The following TMCO5A variants were observed in gnomAD, a reference collection of about 807,000 sequenced individuals.
TMCO5A encodes transmembrane and coiled-coil domain-containing protein 5A.
In TMCO5A, 34 loss-of-function variants were observed where a neutral mutation model predicts 42.3. The observed-to-expected ratio is 0.80, with a 90% CI of 0.61 to 1.07. The LOEUF is 1.07. Ranked by LOEUF, TMCO5A falls within the 50% of genes least tolerant of loss-of-function variation. TMCO5A has a pLI of 0.00. For synonymous variants in TMCO5A, 131 were observed against 115.6 expected, an observed-to-expected ratio of 1.13 and a Z score of -0.86; for missense variants, 357 against 327.9, an observed-to-expected ratio of 1.09 and a Z score of -0.69.
chr15:37,969,342 G>C (rs1250350496), downstream of TMCO5A, among the ~76,000 whole-genome samples: 1 of 152,156 alleles, frequency 6.6e-6, no homozygotes, highest in Non-Finnish European at 1.5e-5. Flanking sequence ...GTTGTCTGGA[G>C]TTGGTAAATT....
At chr15:37,946,393 G>C (rs1385107572) in intron 10 of TMCO5A, among the ~76,000 whole-genome samples, 1 of 152,064 alleles carries the variant, frequency 6.6e-6, no homozygotes, top group Non-Finnish European at 1.5e-5. Context: ...TTCTAATTCT[G>C]TGAAAAATGT....
the TMCO5A span, among the ~76,000 whole-genome samples, chr15:37,981,145 G>T: frequency 6.9e-6 from 1 of 144,512 alleles, no homozygotes; most frequent in African/African-American, 2.6e-5. Context: ...GAATATAGCT[G>T]CTGAAGGTGA....
chr15:37,962,833 T>C (rs1481076919), intron 11 of TMCO5A, among the ~76,000 whole-genome samples: 1 of 152,156 alleles, frequency 6.6e-6, no homozygotes, highest in Non-Finnish European at 1.5e-5. Context: ...TGTGTAAAGG[T>C]GTTCATAATA....
intron 11 of TMCO5A, among the ~76,000 whole-genome samples, chr15:37,960,412 AT>A (rs569797379): frequency 1.6e-4 from 24 of 151,928 alleles, no homozygotes; most frequent in African/African-American, 5.1e-4. Flanking sequence ...ATATACCACA[AT>A]TTTTTTATCC....
chr15:37,950,308 T>A (rs111591413), intron 11 of TMCO5A, among the ~76,000 whole-genome samples: 1 of 152,106 alleles, frequency 6.6e-6, no homozygotes, highest in East Asian at 1.9e-4. Flanking sequence ...GGAATTTTTT[T>A]AAAAAGGACA....
At chr15:38,017,549 T>A in the TMCO5A span, among the ~76,000 whole-genome samples, 2 of 151,732 alleles carry the variant, frequency 1.3e-5, no homozygotes, top group African/African-American at 4.8e-5. Context: ...AAGCACTCAG[T>A]GGTACAGGAA....
At chr15:37,973,251 G>A in the TMCO5A span, among the ~76,000 whole-genome samples, 1 of 150,098 alleles carries the variant, frequency 6.7e-6, no homozygotes, top group African/African-American at 2.5e-5. Flanking sequence ...TGTTCTTTGT[G>A]CTTAGTATTG....
chr15:38,033,671 G>C, the TMCO5A span, among the ~76,000 whole-genome samples: 1 of 151,982 alleles, frequency 6.6e-6, no homozygotes, highest in Non-Finnish European at 1.5e-5. Context: ...CTGTCACCCA[G>C]GCTGGAGTGC....
At chr15:37,977,898 C>T in the TMCO5A span, among the ~76,000 whole-genome samples, 1 of 152,154 alleles carries the variant, frequency 6.6e-6, no homozygotes, top group Non-Finnish European at 1.5e-5. Context: ...TGTCTGGCAA[C>T]AAATAGTGGG....
chr15:38,027,994 A>G, the TMCO5A span, among the ~76,000 whole-genome samples: 43 of 152,310 alleles, frequency 2.8e-4, no homozygotes, highest in Admixed American at 6.5e-4. Flanking sequence ...TGTCTTTATT[A>G]GCAGCATGAA....
At chr15:37,958,383 C>CA (rs143982063) in intron 11 of TMCO5A, among the ~76,000 whole-genome samples, 40,391 of 151,736 alleles carry the variant, frequency 0.27, 5,726 homozygotes, top group African/African-American at 0.34. Flanking sequence ...AGAACTTAAA[C>CA]AATTTACAAG....
the TMCO5A span, among the ~76,000 whole-genome samples, chr15:37,973,225 G>A: frequency 1.3e-5 from 2 of 150,068 alleles, no homozygotes; most frequent in Admixed American, 1.3e-4. Flanking sequence ...GTCAGGTAAT[G>A]TGATGTCTCC....
chr15:37,998,150 T>G, the TMCO5A span, among the ~76,000 whole-genome samples: 3 of 152,270 alleles, frequency 2.0e-5, no homozygotes, highest in Admixed American at 6.5e-5. Flanking sequence ...TTCCGTGGGT[T>G]GTGTCTTCAC....
At chr15:37,996,941 A>G in the TMCO5A span, among the ~76,000 whole-genome samples, 1 of 152,212 alleles carries the variant, frequency 6.6e-6, no homozygotes, top group Non-Finnish European at 1.5e-5. Flanking sequence ...TATTATTTCT[A>G]TAACTTCTAT....
At position 37,966,548 on chromosome 15, in the gene TMCO5A, G is replaced by A. The variant is rs184518738; in HGVS notation, c.669-77G>A. On this transcript the variant is annotated intron_variant, in intron 11 of 11. Coordinates refer to the TMCO5A transcript ENST00000559502. ...TTTTTTTCAGTGCGTGAATAGACTTGGGGCTTTAGGCAAGGCTACAGCAAG... is the reference window on the plus strand; with the variant it reads ...TTTTTTTCAGTGCGTGAATAGACTTAGGGCTTTAGGCAAGGCTACAGCAAG... The A allele has an allele frequency of 5.7e-6, 4 of 702,322 alleles. No homozygotes were observed. The African/African-American group carries it at 7.0e-5, about 12-fold the overall frequency. 43.5% of individuals were successfully genotyped at this position (702,322 alleles called of 1,614,324 possible).
chr15:38,039,861 T>A, the TMCO5A span: 3 of 152,234 alleles, frequency 2.0e-5, no homozygotes, highest in Non-Finnish European at 4.4e-5. Flanking sequence ...TGGGCACGAA[T>A]TAGCTGGTCC....
downstream of TMCO5A, among the ~76,000 whole-genome samples, chr15:37,953,930 C>A (rs1595602464): frequency 1.3e-5 from 2 of 151,778 alleles, no homozygotes; most frequent in South Asian, 2.1e-4. Context: ...GAAGAATACA[C>A]CAGAGTCTTT....
chr15:38,026,969 C>G, the TMCO5A span, among the ~76,000 whole-genome samples: 1 of 152,170 alleles, frequency 6.6e-6, no homozygotes, highest in East Asian at 1.9e-4. Context: ...TATAGAAACA[C>G]CTGGATGCCC....
At chr15:37,997,061 G>A in the TMCO5A span, among the ~76,000 whole-genome samples, 2 of 152,126 alleles carry the variant, frequency 1.3e-5, no homozygotes, top group Admixed American at 6.5e-5. Flanking sequence ...ATAACAAGGG[G>A]GTGGCACGTG....
Sources: gnomAD v4.1 joint callset for allele counts (sites outside exome capture counted in the v4.1 genomes callset) on GRCh38, gnomAD v4.1.1 for gene constraint, MANE v1.5 for transcripts, NCBI Gene and HGNC (gene_info 2026-07-23, HGNC 2026-07-21) for gene names.